Variants in PRUNE1 observed in about 807,000 individuals in gnomAD.
PRUNE1 encodes the protein exopolyphosphatase PRUNE1.
Under a neutral mutation model 42.5 loss-of-function variants are expected in PRUNE1, and 25 were observed. That is an observed-to-expected ratio of 0.59 (90% CI 0.43 to 0.82). The LOEUF (loss-of-function observed/expected upper bound fraction) is 0.82. PRUNE1 is among the 40% of genes least tolerant of loss of function. The probability of loss-of-function intolerance (pLI) is 0.00; values close to 1 mark genes in which losing one functional copy is unlikely to be tolerated. For missense variants in PRUNE1, 443 were observed against 539.3 expected (o/e 0.82, Z 1.77); for synonymous variants, 203 against 217.1 (o/e 0.93, Z 0.57).
Position 151,019,037 on chromosome 1 carries a change from C to T in PRUNE1, c.335+368C>T, listed in dbSNP as rs1044841512. Among the ~76,000 whole-genome samples the T allele has an allele frequency of 2.0e-5, 3 of 152,044 alleles. No individual in the cohort carries two copies. In the East Asian group the frequency reaches 5.8e-4, roughly 29 times the overall value. On this transcript the variant is annotated intron_variant, in intron 3 of 7. Transcript: ENST00000271620. ...CAGCCTGAGCGACAGAGCCAGACTCCGTCTCAAAAAAGAAAGAGTTTTTGC... is the reference window on the plus strand; with the variant it reads ...CAGCCTGAGCGACAGAGCCAGACTCTGTCTCAAAAAAGAAAGAGTTTTTGC...
chr1:151,025,850 C>T (rs994792922), intron 5 of PRUNE1, among the ~76,000 whole-genome samples, 177 bp downstream of exon 5: 9 of 151,862 alleles, frequency 5.9e-5, no homozygotes, highest in African/African-American at 2.2e-4. Flanking sequence ...AAGCGATTCT[C>T]CTGCCTCAGC....
rs767625341 is a variant in PRUNE1 at position 151,033,975 on chromosome 1, T to G, written c.1103T>G (p.Ile368Ser). 1 of 1,613,914 alleles carries G rather than the reference T, an allele frequency of 6.2e-7. No homozygotes were observed. The highest frequency in any genetic ancestry group is 8.5e-7 in the Non-Finnish European group (1 of 1,179,976). Residue 368 changes from isoleucine to serine, a missense_variant, in exon 8 of 8, where the codon ATC (isoleucine) becomes AGC (serine). By Grantham distance (142) the Ile-to-Ser change is moderately radical. Coordinates refer to ENST00000271620, the MANE Select transcript of PRUNE1 (RefSeq NM_021222.3). ...ALSAYFDSMKIPSGQPETADV... is the reference protein window; with the variant it reads ...ALSAYFDSMKSPSGQPETADV... ...TCAGCATATTTTGACTCCATGAAGA[T>G]CCCTTCAGGACAGCCTGAGACAGCA...
At chr1:151,018,263 C>A in intron 2 of PRUNE1, 1 of 742,322 alleles carries the variant, frequency 1.3e-6, no homozygotes, top group Non-Finnish European at 2.4e-6. Context: ...AGGTATTTAC[C>A]ATGAGTTACC....
chr1:151,021,820 TTGTGTG>T (rs587667625), intron 3 of PRUNE1, among the ~76,000 whole-genome samples: 2 of 148,004 alleles, frequency 1.4e-5, no homozygotes, highest in East Asian at 2.0e-4. Flanking sequence ...CGGGATAATT[TTGTGTG>T]TGTGTGTGTG....
intron 3 of PRUNE1, among the ~76,000 whole-genome samples, chr1:151,019,113 G>A (rs77960681): frequency 6.6e-6 from 1 of 152,120 alleles, no homozygotes. Context: ...ATTAGATATA[G>A]AAAAACAACA....
At position 151,017,910 on chromosome 1, in the gene PRUNE1, T is replaced by TA. The variant is rs751268455; in HGVS notation, c.132+13dup. 13 of 1,543,074 alleles carry TA rather than the reference T, an allele frequency of 8.4e-6. No individual in the cohort carries two copies. The highest frequency in any genetic ancestry group is 1.1e-5 in the South Asian group (1 of 89,458). On this transcript the variant is annotated splice_region_variant and intron_variant, in intron 2 of 7. Coordinates refer to ENST00000271620, the MANE Select transcript of PRUNE1 (RefSeq NM_021222.3). ...TGGCTTTTTACCTAGCAAAGGTGGG[T>TA]AAAAAAACGTAGTACCTAGGATCTG...
At chr1:151,032,539 CCCCG>C (rs1675298659) in intron 7 of PRUNE1, among the ~76,000 whole-genome samples, 1 of 151,938 alleles carries the variant, frequency 6.6e-6, no homozygotes, top group African/African-American at 2.4e-5. Context: ...CATGGTGTAA[CCCCG>C]TCTCCACTAA....
intron 1 of PRUNE1, among the ~76,000 whole-genome samples, chr1:151,013,379 G>A (rs886230252): frequency 6.6e-6 from 1 of 152,094 alleles, no homozygotes; most frequent in Admixed American, 6.5e-5. Flanking sequence ...CATTCCTTTT[G>A]GTTACTGTCT....
intron 1 of PRUNE1, among the ~76,000 whole-genome samples, chr1:151,011,407 G>C (rs1673761678): frequency 2.0e-5 from 3 of 152,146 alleles, no homozygotes. Flanking sequence ...GCTTCAGGGT[G>C]GGGCTGCATT....
intron 6 of PRUNE1, among the ~76,000 whole-genome samples, 176 bp from the exon 7 acceptor site, chr1:151,028,610 G>A (rs1461234910): frequency 6.6e-6 from 1 of 152,074 alleles, no homozygotes; most frequent in East Asian, 1.9e-4. Context: ...TTTTACCAGA[G>A]ACAGGGTTTC....
In PRUNE1 at chr1:151,025,804, A is replaced by G. The variant is rs587632212; in HGVS notation, c.679+131A>G. On this transcript the variant is annotated intron_variant, in intron 5 of 7. Coordinates refer to ENST00000271620, the MANE Select transcript of PRUNE1 (RefSeq NM_021222.3). ...CACCCAGGCTAGAGTGCAGTGGCAC[A>G]ATCTTGGCACACTGCAACCTCGACC... The G allele has an allele frequency of 4.2e-5, 38 of 898,472 alleles. No individual in the cohort carries two copies. The East Asian group carries it at 1.1e-3, about 26-fold the overall frequency. 55.7% of individuals were successfully genotyped at this position (898,472 alleles called of 1,614,324 possible). A position where few individuals can be genotyped will look rare whatever the true frequency, so the allele number is the denominator to read the frequency against.
At chr1:151,029,365 GTTTT>G (rs34073279) in intron 7 of PRUNE1, among the ~76,000 whole-genome samples, 3 of 85,826 alleles carry the variant, frequency 3.5e-5, no homozygotes, top group Admixed American at 1.5e-4. Flanking sequence ...AAGCTGGAAA[GTTTT>G]TTTTTTTTTT....
chr1:151,015,491 G>A (rs1411721833), intron 1 of PRUNE1, among the ~76,000 whole-genome samples: 15 of 151,764 alleles, frequency 9.9e-5, no homozygotes, highest in Non-Finnish European at 1.6e-4. Flanking sequence ...AAAATTAGCC[G>A]AGCATGGTGG....
At chr1:151,018,870 C>G (rs1299806802) in intron 3 of PRUNE1, among the ~76,000 whole-genome samples, 4 of 151,922 alleles carry the variant, frequency 2.6e-5, no homozygotes, top group Non-Finnish European at 5.9e-5. Flanking sequence ...TGGCAAAACC[C>G]CGTCTCTACT....
At chr1:151,029,285 C>G (rs1457602479) in intron 7 of PRUNE1, among the ~76,000 whole-genome samples, 1 of 149,702 alleles carries the variant, frequency 6.7e-6, no homozygotes, top group African/African-American at 2.5e-5. Context: ...AAATTCCCTT[C>G]TTGAGCTAGG....
chr1:151,031,406 C>T lies in PRUNE1; in HGVS notation c.934-2400C>T, dbSNP rs139421979. Among the ~76,000 whole-genome samples the T allele has an allele frequency of 6.6e-3, 1,007 of 151,994 alleles. 16 individuals are homozygous for T. The highest frequency in any genetic ancestry group is 0.023 in the African/African-American group (961 of 41,458). On this transcript the variant is annotated intron_variant, in intron 7 of 7. Coordinates refer to ENST00000271620, the MANE Select transcript of PRUNE1 (RefSeq NM_021222.3). ...CTCGCTATGTTGCCCAGGCTGGTCTCGAACTCCTGGACTCAAGTGATCCAC... is the reference window on the plus strand; with the variant it reads ...CTCGCTATGTTGCCCAGGCTGGTCTTGAACTCCTGGACTCAAGTGATCCAC...
intron 1 of PRUNE1, among the ~76,000 whole-genome samples, chr1:151,014,928 A>C (rs1674005675): frequency 6.6e-6 from 1 of 152,212 alleles, no homozygotes; most frequent in African/African-American, 2.4e-5. Context: ...ATGGTGGCTC[A>C]TGCCTGTAAT....
At chr1:151,016,471 G>A (rs1469183042) in intron 1 of PRUNE1, among the ~76,000 whole-genome samples, 3 of 152,120 alleles carry the variant, frequency 2.0e-5, no homozygotes, top group Middle Eastern at 3.4e-3. Flanking sequence ...CTGTCACCCC[G>A]ATTTTGGGCA....
At chr1:151,010,763 C>G (rs752003185) in intron 1 of PRUNE1, among the ~76,000 whole-genome samples, 6 of 146,862 alleles carry the variant, frequency 4.1e-5, no homozygotes, top group Non-Finnish European at 5.9e-5. Flanking sequence ...TCAAGCGATT[C>G]TTCTGCCTCA....
Sources: gnomAD v4.1 joint callset for allele counts (sites outside exome capture counted in the v4.1 genomes callset) on GRCh38, gnomAD v4.1.1 for gene constraint, MANE v1.5 for transcripts, NCBI Gene and HGNC (gene_info 2026-07-23, HGNC 2026-07-21) for gene names.